Variants in VSTM2A observed in about 807,000 individuals in gnomAD.
VSTM2A encodes V-set and transmembrane domain containing 2A.
A neutral mutation model predicts 27.3 loss-of-function variants in VSTM2A; 13 were observed. That is an observed-to-expected ratio of 0.48 (90% CI 0.31 to 0.76). The LOEUF is 0.76. Ranked by LOEUF, VSTM2A falls within the 30% of genes least tolerant of loss-of-function variation. VSTM2A has a pLI of 0.05. For synonymous variants in VSTM2A, 142 were observed against 125.7 expected, an observed-to-expected ratio of 1.13 and a Z score of -0.87; for missense variants, 280 against 310.0, an observed-to-expected ratio of 0.90 and a Z score of 0.73.
At chr7:54,560,097 A>G (rs1788508077) in intron 4 of VSTM2A, 1 of 152,170 alleles carries the variant, frequency 6.6e-6, no homozygotes, top group South Asian at 2.1e-4. Flanking sequence ...AATGGTAAAC[A>G]GTTGTCTCAT....
intron 4 of VSTM2A, among the ~76,000 whole-genome samples, chr7:54,560,855 C>T (rs1788538249): frequency 6.6e-6 from 1 of 152,090 alleles, no homozygotes; most frequent in East Asian, 1.9e-4. Flanking sequence ...TGAAATACTT[C>T]AAATTTTAAA....
At chr7:54,544,820 T>G in intron 2 of VSTM2A, 32 bp downstream of exon 2, 1 of 1,565,630 alleles carries the variant, frequency 6.4e-7, no homozygotes, top group Admixed American at 1.9e-5. Context: ...GCGTCTCCCC[T>G]TCGCTCGCCC....
intron 4 of VSTM2A, among the ~76,000 whole-genome samples, chr7:54,562,470 G>A (rs1194787421): frequency 3.3e-5 from 5 of 152,150 alleles, no homozygotes; most frequent in East Asian, 1.9e-4. Flanking sequence ...CAAAGAGGGC[G>A]TGGATAAGGA....
rs749397760 is a variant in VSTM2A, at chr7:54,546,971, C to T, written c.271C>T (p.Pro91Ser). 9 of 1,594,938 alleles carry T rather than the reference C, an allele frequency of 5.6e-6. No homozygotes were observed. The Admixed American group carries it at 1.0e-4, about 18-fold the overall frequency. Reference protein sequence around the residue: ...AQVELLPDRDPDSDGTKISTV... With the variant: ...AQVELLPDRDSDSDGTKISTV... ...GGTGGAGCTCTTGCCCGACAGAGAC[C>T]CGGACAGCGACGGGACCAAGATCAG... Residue 91 changes from proline (P) to serine (S), a missense_variant, in exon 3 of 5, where the codon CCG becomes TCG. By Grantham distance (74) the Pro-to-Ser change is moderately conservative (BLOSUM62 -1). Transcript: ENST00000402613.
rs1438524515 is a variant in VSTM2A, at chr7:54,549,971, T to C, written c.435T>C (p.Tyr145=). ...TTCAGGAACACAAGGCCCAGGCCTA[T>C]CTGAAAGTCAATGCCAACAGCCATG... ...GELQEHKAQA[Y]LKVNANSHAR... Residue 145 remains tyrosine, a synonymous_variant, in exon 4 of 5, where the codon TAT becomes TAC. Transcript: ENST00000402613. 1.9e-6 allele frequency: 3 copies of C among 1,613,614 alleles called. No individual in the cohort carries two copies. Among genetic ancestry groups the C allele is most frequent in the East Asian group, 2.2e-5 (1 of 44,858 alleles).
rs145408297 is a variant in VSTM2A, at chr7:54,570,183, C to G, written c.*964C>G. 1 of 152,206 alleles carries G rather than the reference C, an allele frequency of 6.6e-6. No individual in the cohort carries two copies. The highest frequency in any genetic ancestry group is 1.9e-4 in the East Asian group (1 of 5,182). The allele number at this position is 152,206 out of a possible 1,614,324, so 9.4% of individuals were successfully genotyped here. A position where few individuals can be genotyped will look rare whatever the true frequency, so the allele number is the denominator to read the frequency against. ...TTGGAATTTACTATGTTCCTTTATA[C>G]ATGGTGTTTATTGAGGTTTGAGAGT... On this transcript the variant is annotated 3_prime_UTR_variant, in exon 5 of 5. Coordinates refer to ENST00000402613, the MANE Select transcript of VSTM2A (RefSeq NM_001301009.2).
intron 4 of VSTM2A, chr7:54,550,603 A>C: frequency 4.9e-6 from 1 of 203,106 alleles, no homozygotes; most frequent in Non-Finnish European, 9.9e-6. Flanking sequence ...AGCGACCCAT[A>C]GCTCTAAGCA....
At chr7:54,549,464 T>C (rs1187611349) in intron 3 of VSTM2A, among the ~76,000 whole-genome samples, 1 of 152,228 alleles carries the variant, frequency 6.6e-6, no homozygotes, top group Non-Finnish European at 1.5e-5. Context: ...AAAGAGGTTG[T>C]TTCACCTATA....
intron 4 of VSTM2A, among the ~76,000 whole-genome samples, chr7:54,568,848 T>G (rs1788804591): frequency 6.6e-6 from 1 of 152,202 alleles, no homozygotes; most frequent in Admixed American, 6.5e-5. Context: ...ACTGAAATCC[T>G]TTGTATGTGT....
intron 4 of VSTM2A, chr7:54,559,927 T>G (rs1363831693): frequency 6.6e-6 from 1 of 152,164 alleles, no homozygotes; most frequent in African/African-American, 2.4e-5. Flanking sequence ...CTGAGCCATG[T>G]GCATAGAAAA....
At chr7:54,564,020 C>T (rs1475573161) in intron 4 of VSTM2A, among the ~76,000 whole-genome samples, 3 of 152,150 alleles carry the variant, frequency 2.0e-5, no homozygotes, top group African/African-American at 7.2e-5. Context: ...TAGAAGCTAG[C>T]TCAGTTTTTC....
At chr7:54,550,503 A>G (rs1300615201) in intron 4 of VSTM2A, 4 of 474,258 alleles carry the variant, frequency 8.4e-6, no homozygotes, top group African/African-American at 2.0e-5. Flanking sequence ...CATTTTCTCT[A>G]CAGATTTATG....
At chr7:54,550,361 C>A (rs12111743) in intron 4 of VSTM2A, 191 bp downstream of exon 4, 1 of 1,427,308 alleles carries the variant, frequency 7.0e-7, no homozygotes, top group Non-Finnish European at 9.2e-7. Context: ...TGTGGGTGCA[C>A]CCCGTCAGTC....
At chr7:54,544,134 A>G (rs1746597394) in intron 1 of VSTM2A, among the ~76,000 whole-genome samples, 1 of 152,236 alleles carries the variant, frequency 6.6e-6, no homozygotes, top group Non-Finnish European at 1.5e-5. Context: ...GGTGTTGCTA[A>G]TAACCGTTTT....
intron 2 of VSTM2A, among the ~76,000 whole-genome samples, chr7:54,545,102 G>A (rs1273273980): frequency 6.6e-6 from 1 of 152,018 alleles, no homozygotes; most frequent in Non-Finnish European, 1.5e-5. Context: ...GGACATCCGG[G>A]AGCCCCTTTC....
intron 2 of VSTM2A, among the ~76,000 whole-genome samples, chr7:54,545,704 G>A: frequency 1.0e-5 from 1 of 96,376 alleles, no homozygotes; most frequent in Non-Finnish European, 2.0e-5. Flanking sequence ...GAGAGGGAAG[G>A]GAAAGAGAGA....
At chr7:54,555,406 G>T (rs546618651) in intron 4 of VSTM2A, among the ~76,000 whole-genome samples, 1 of 152,246 alleles carries the variant, frequency 6.6e-6, no homozygotes, top group African/African-American at 2.4e-5. Flanking sequence ...ATTTGGTATT[G>T]CCTGAATGTT....
chr7:54,550,316 C>T (rs1328800593), intron 4 of VSTM2A, 146 bp downstream of exon 4: 13 of 1,476,890 alleles, frequency 8.8e-6, no homozygotes, highest in Non-Finnish European at 9.9e-6. Flanking sequence ...GAGGTGAGCA[C>T]CGAGCCTGCA....
chr7:54,553,602 C>T (rs1788255652), intron 4 of VSTM2A, among the ~76,000 whole-genome samples: 1 of 152,086 alleles, frequency 6.6e-6, no homozygotes, highest in African/African-American at 2.4e-5. Context: ...CTGCTTCTTG[C>T]TGGAGGAGTC....
Sources: gnomAD v4.1 joint callset for allele counts (sites outside exome capture counted in the v4.1 genomes callset) on GRCh38, gnomAD v4.1.1 for gene constraint, MANE v1.5 for transcripts, NCBI Gene and HGNC (gene_info 2026-07-23, HGNC 2026-07-21) for gene names.